TLN2: variants seen among roughly 807,000 people sequenced by gnomAD.
The protein encoded by TLN2 is talin 2, also known as talin-2.
In TLN2, 118 loss-of-function variants were observed where a neutral mutation model predicts 294.7. That is an observed-to-expected ratio of 0.40 (90% CI 0.34 to 0.47). The LOEUF (loss-of-function observed/expected upper bound fraction) is 0.47. TLN2 is among the 20% of genes least tolerant of loss of function. The probability of loss-of-function intolerance (pLI) is 0.84; values close to 1 mark genes in which losing one functional copy is unlikely to be tolerated. For missense variants in TLN2, 3,083 were observed against 3,282.2 expected (o/e 0.94, Z 1.48); for synonymous variants, 1,431 against 1,304.5 (o/e 1.10, Z -2.09).
intron 32 of TLN2, among the ~76,000 whole-genome samples, chr15:62,744,639 C>T (rs537452733): frequency 2.0e-5 from 3 of 152,066 alleles, no homozygotes; most frequent in African/African-American, 2.4e-5. Context: ...CTCCACCTCC[C>T]GGGTTCAAGT....
chr15:62,395,731 G>A (rs1488094035), intron 1 of TLN2, among the ~76,000 whole-genome samples: 2 of 152,144 alleles, frequency 1.3e-5, no homozygotes, highest in Non-Finnish European at 2.9e-5. Context: ...CCATAGTATG[G>A]ATTATTTTGT....
At position 62,841,985 on chromosome 15, in the gene TLN2, C is replaced by CTCTT. The variant is rs971805521; in HGVS notation, c.*1378_*1379insTTCT. ...CCTCCGCCTCTCTCTCTCTCTCTCT[C>CTCTT]TCTGGTGTGCTATCATGTCTTGGAC... is the stretch of plus-strand genomic sequence containing the variant. On this transcript the variant is annotated 3_prime_UTR_variant, in exon 59 of 59. Transcript: ENST00000636159. 6.6e-6 allele frequency: 1 copy of CTCTT among 151,964 alleles called. No individual in the cohort carries two copies. The highest frequency in any genetic ancestry group is 2.4e-5 in the African/African-American group (1 of 41,252). The allele number at this position is 151,964 out of a possible 1,614,324, so 9.4% of individuals were successfully genotyped here.
rs553164036 is a variant in TLN2 at position 62,833,704 on chromosome 15, A to G, written c.7128+75A>G. On this transcript the variant is annotated intron_variant, in intron 55 of 58. Coordinates refer to ENST00000636159, the MANE Select transcript of TLN2 (RefSeq NM_015059.3). ...CAGGGGGCCCAGGAAAAGAGCTACA[A>G]GCTTTTGTCCTGACCAAGGAAACAC... The G allele has an allele frequency of 5.4e-5, 84 of 1,565,002 alleles. No homozygotes were observed. In the South Asian group the frequency reaches 9.2e-4, roughly 17 times the overall value.
chr15:62,580,264 A>G (rs943711443), intron 1 of TLN2, among the ~76,000 whole-genome samples: 2 of 152,142 alleles, frequency 1.3e-5, no homozygotes, highest in African/African-American at 2.4e-5. Context: ...CTTTATATCT[A>G]CTGTACCCAT....
At chr15:62,511,319 C>T (rs576875810) in intron 1 of TLN2, among the ~76,000 whole-genome samples, 72 of 152,310 alleles carry the variant, frequency 4.7e-4, no homozygotes, top group African/African-American at 1.6e-3. Context: ...TGACTCCATA[C>T]TTTTCCATGA....
At chr15:62,718,716 T>C (rs1168374532) in intron 24 of TLN2, among the ~76,000 whole-genome samples, 1 of 152,186 alleles carries the variant, frequency 6.6e-6, no homozygotes, top group Non-Finnish European at 1.5e-5. Context: ...TTGCTTCCTA[T>C]TGGGTCCTCA....
chr15:62,824,867 T>C (rs575841687), intron 54 of TLN2, among the ~76,000 whole-genome samples: 1 of 152,356 alleles, frequency 6.6e-6, no homozygotes, highest in East Asian at 1.9e-4. Context: ...AAATACTTTG[T>C]GAGCACTGCT....
chr15:62,644,928 C>G (rs770538954), intron 3 of TLN2: 1 of 245,860 alleles, frequency 4.1e-6, no homozygotes, highest in South Asian at 5.4e-5. Context: ...TACAACACTT[C>G]GTTTTCCGAG....
chr15:62,752,033 C>G (rs183187759), intron 34 of TLN2, among the ~76,000 whole-genome samples: 1 of 152,056 alleles, frequency 6.6e-6, no homozygotes, highest in East Asian at 1.9e-4. Flanking sequence ...CCATGAGTTG[C>G]CTTTTATAGA....
rs774477393 is a variant in TLN2, at chr15:62,544,438, G to A, written c.-237-45249G>A. On this transcript the variant is annotated intron_variant, in intron 1 of 58. Coordinates refer to ENST00000636159, the MANE Select transcript of TLN2 (RefSeq NM_015059.3). ...TAAGTGGTGATTACTGGAAAAGGAG[G>A]TGTGGGTTGCTCATGGATTCCTAGA... 3.3e-5 allele frequency among the ~76,000 whole-genome samples: 5 copies of A among 152,206 alleles called. 1 individual carries two copies. In the South Asian group the frequency reaches 1.0e-3, roughly 32 times the overall value.
chr15:62,808,490 A>AT, intron 51 of TLN2, among the ~76,000 whole-genome samples: 1 of 152,220 alleles, frequency 6.6e-6, no homozygotes, highest in African/African-American at 2.4e-5. Context: ...TAGAAATAGA[A>AT]TTAGTGGGTC....
chr15:62,678,293 G>C (rs2056455774), intron 11 of TLN2, among the ~76,000 whole-genome samples: 1 of 152,016 alleles, frequency 6.6e-6, no homozygotes, highest in South Asian at 2.1e-4. Context: ...AAGTGGTATA[G>C]CTAAAAAATT....
intron 3 of TLN2, among the ~76,000 whole-genome samples, chr15:62,630,459 G>A (rs751222382): frequency 6.6e-6 from 1 of 152,186 alleles, no homozygotes; most frequent in African/African-American, 2.4e-5. Flanking sequence ...ATACTGGTGG[G>A]ACTTAGCCCT....
intron 1 of TLN2, among the ~76,000 whole-genome samples, chr15:62,494,792 T>C (rs2038934945): frequency 6.6e-6 from 1 of 152,168 alleles, no homozygotes; most frequent in Admixed American, 6.5e-5. Context: ...CATGCATTCA[T>C]TCGGTGCTGG....
intron 29 of TLN2, 47 bp downstream of exon 29, chr15:62,737,133 G>A (rs760740519): frequency 1.5e-5 from 24 of 1,597,524 alleles, no homozygotes; most frequent in Middle Eastern, 1.7e-4. Flanking sequence ...CATCATTAAC[G>A]TGGACATGTG....
At chr15:62,603,667 A>G (rs1301866034) in intron 2 of TLN2, among the ~76,000 whole-genome samples, 1 of 152,232 alleles carries the variant, frequency 6.6e-6, no homozygotes, top group Admixed American at 6.5e-5. Flanking sequence ...CCTTTTGTAA[A>G]GACAAAGCAG....
intron 11 of TLN2, among the ~76,000 whole-genome samples, chr15:62,677,965 C>T (rs1006905487): frequency 6.6e-6 from 1 of 151,630 alleles, no homozygotes; most frequent in Non-Finnish European, 1.5e-5. Context: ...CCAGCTAATT[C>T]TGTATTTTTG....
At chr15:62,516,240 G>A (rs1263282532) in intron 1 of TLN2, among the ~76,000 whole-genome samples, 4 of 152,172 alleles carry the variant, frequency 2.6e-5, no homozygotes, top group Admixed American at 1.3e-4. Flanking sequence ...AAGACAGTGT[G>A]CTCACAATTT....
chr15:62,542,243 G>A (rs897275670), intron 1 of TLN2, among the ~76,000 whole-genome samples: 12 of 152,068 alleles, frequency 7.9e-5, no homozygotes, highest in African/African-American at 2.9e-4. Flanking sequence ...CCAGGCTGGA[G>A]TGCAGTGGCA....
Sources: allele counts gnomAD v4.1 joint callset (sites outside exome capture counted in the v4.1 genomes callset), GRCh38; gene constraint gnomAD v4.1.1; transcripts MANE v1.5; gene names NCBI Gene and HGNC (gene_info 2026-07-23, HGNC 2026-07-21).